The following PRR14L variants were observed in gnomAD, a reference collection of about 807,000 sequenced individuals.
PRR14L encodes proline rich 14 like.
PRR14L carries 80 observed loss-of-function variants against 155.0 expected under a neutral mutation model. The ratio of observed to expected loss-of-function variants is 0.52; its 90% CI spans 0.43 to 0.62. The LOEUF is 0.62. Among genes scored for constraint, PRR14L ranks in the 20% least tolerant of loss-of-function variants. PRR14L has a pLI of 0.00. For missense variants in PRR14L, 2,469 were observed against 2,548.0 expected, an observed-to-expected ratio of 0.97 and a Z score of 0.67; for synonymous variants, 883 against 916.0, an observed-to-expected ratio of 0.96 and a Z score of 0.65.
chr22:31,687,887 C>T lies in PRR14L; in HGVS notation c.6179+269G>A, dbSNP rs528427433. ...TCTACTAAAAATACAAAAAATTAGC[C>T]GGGTGTGGTGGCGGGCGCCTGTAGT... On this transcript the variant is annotated intron_variant, in intron 8 of 8. Coordinates refer to ENST00000327423, the MANE Select transcript of PRR14L (RefSeq NM_173566.3). Among the ~76,000 whole-genome samples, 699 of 151,486 alleles carry T rather than the reference C, an allele frequency of 4.6e-3. 4 individuals are homozygous for T. Among genetic ancestry groups the T allele is most frequent in the Non-Finnish European group, 6.5e-3 (441 of 67,890 alleles).
In PRR14L at chr22:31,731,447, A is replaced by G. The variant is rs1601513672; in HGVS notation, c.475-5837T>C. Among the ~76,000 whole-genome samples, 7 of 151,696 alleles carry G rather than the reference A, an allele frequency of 4.6e-5. No individual in the cohort carries two copies. In the South Asian group the frequency reaches 1.0e-3, roughly 23 times the overall value. ...GCCAGGCCTGGTGGTATGAGCCTGT[A>G]GTCCCAGATACTTGGAAGGCTGAGG... On this transcript the variant is annotated intron_variant, in intron 2 of 8. Coordinates refer to ENST00000327423, the MANE Select transcript of PRR14L (RefSeq NM_173566.3).
At chr22:31,749,106 C>G (rs1417565780) in intron 1 of PRR14L, among the ~76,000 whole-genome samples, 1 of 152,142 alleles carries the variant, frequency 6.6e-6, no homozygotes, top group Non-Finnish European at 1.5e-5. Context: ...TACTATATAA[C>G]TAGTATTTAC....
At chr22:31,703,402 T>C (rs962610486) in intron 6 of PRR14L, 148 bp downstream of exon 6, 4 of 645,404 alleles carry the variant, frequency 6.2e-6, no homozygotes, top group Non-Finnish European at 1.0e-5. Context: ...GAAAAACTCC[T>C]GGCTTAGTAC....
chr22:31,713,102 T>G lies in PRR14L; in HGVS notation c.4737A>C (p.Glu1579Asp). The G allele has an allele frequency of 6.4e-7, 1 of 1,552,278 alleles. No homozygotes were observed. The highest frequency in any genetic ancestry group is 1.2e-5 in the South Asian group (1 of 84,046). The change falls in exon 4 of 9, where the codon GAA becomes GAC. Residue 1579 changes from glutamate to aspartate, a missense_variant. This residue lies in a region of PRR14L where 2,363 missense variants were observed against 2,371.6 expected (regional missense o/e 1.00). Coordinates refer to ENST00000327423, the MANE Select transcript of PRR14L (RefSeq NM_173566.3). Reference sequence around the variant, plus strand: ...TAACCAAGCTCTTGGTAGGTGCTGTTTCAGGTTCTAATCGTGTAGGTGCAG... The same window carrying G: ...TAACCAAGCTCTTGGTAGGTGCTGTGTCAGGTTCTAATCGTGTAGGTGCAG... ...TLSAPTRLEPETAPTKSLVSH... is the reference protein window; with the variant it reads ...TLSAPTRLEPDTAPTKSLVSH...
chr22:31,738,372 G>C lies in PRR14L; in HGVS notation c.474+15C>G. 1.3e-6 allele frequency: 2 copies of C among 1,543,592 alleles called. No homozygotes were observed. The highest frequency in any genetic ancestry group is 1.8e-6 in the Non-Finnish European group (2 of 1,140,086). On this transcript the variant is annotated intron_variant, in intron 2 of 8. Transcript: ENST00000327423. ...TTCACACTCAACTCTTCGGAATGGA[G>C]ATTTCATTTCTTACCTGACTCGGGC...
Position 31,693,266 on chromosome 22 carries a change from A to G in PRR14L, c.6108-5039T>C, listed in dbSNP as rs1287038550. On this transcript the variant is annotated intron_variant, in intron 7 of 8. Coordinates refer to ENST00000327423, the MANE Select transcript of PRR14L (RefSeq NM_173566.3). ...ACCTAGTCATCCCTTCCTTCCCCTCAACACTTGGTGACTTCTGTCTCCATG... is the reference window on the plus strand; with the variant it reads ...ACCTAGTCATCCCTTCCTTCCCCTCGACACTTGGTGACTTCTGTCTCCATG... Among the ~76,000 whole-genome samples, 5 of 152,204 alleles carry G rather than the reference A, an allele frequency of 3.3e-5. No individual in the cohort carries two copies. The East Asian group carries it at 9.7e-4, about 29-fold the overall frequency.
At chr22:31,732,129 A>T (rs941966931) in intron 2 of PRR14L, among the ~76,000 whole-genome samples, 1 of 152,188 alleles carries the variant, frequency 6.6e-6, no homozygotes, top group Non-Finnish European at 1.5e-5. Flanking sequence ...GTACTTGTGT[A>T]TAGGTTTTAT....
At chr22:31,733,043 C>T (rs1056353588) in intron 2 of PRR14L, among the ~76,000 whole-genome samples, 1 of 148,186 alleles carries the variant, frequency 6.7e-6, no homozygotes, top group African/African-American at 2.5e-5. Flanking sequence ...GCTGGAGTGA[C>T]AATGGTGCAA....
chr22:31,745,860 A>T (rs966648871), intron 1 of PRR14L, among the ~76,000 whole-genome samples: 1 of 141,038 alleles, frequency 7.1e-6, no homozygotes, highest in Admixed American at 7.1e-5. Flanking sequence ...AAAAAAAAAA[A>T]AATATATATA....
rs9619227 is a variant in PRR14L, at chr22:31,714,952, C to T, written c.2887G>A (p.Asp963Asn). 4,203 of 1,551,992 alleles carry T rather than the reference C, an allele frequency of 2.7e-3. 98 individuals are homozygous for T. The African/African-American group carries it at 0.045, about 17-fold the overall frequency. ...TCAAGGACTTCATCTGCCTTCTGAT[C>T]GAGTGTTTCAACTGATTTTACATTT... The part of the protein sequence containing the change: ...FKNVKSVETL[D>N]QKADEVLDCQ... The change falls in exon 4 of 9, where the codon GAT becomes AAT. Residue 963 changes from aspartate to asparagine, a missense_variant. Transcript: ENST00000327423.
chr22:31,717,666 C>T (rs528438921), intron 3 of PRR14L, among the ~76,000 whole-genome samples: 44 of 152,188 alleles, frequency 2.9e-4, no homozygotes, highest in Non-Finnish European at 5.6e-4. Context: ...GCTTATTTTA[C>T]TAGATGACCA....
chr22:31,688,897 T>TACACACACACACAC (rs1250705421), intron 7 of PRR14L, among the ~76,000 whole-genome samples: 2 of 133,068 alleles, frequency 1.5e-5, no homozygotes, highest in African/African-American at 6.3e-5. Context: ...AAAAAATATA[T>TACACACACACACAC]ACATACACAC....
intron 4 of PRR14L, among the ~76,000 whole-genome samples, chr22:31,708,265 A>G (rs1317026863): frequency 6.6e-6 from 1 of 151,992 alleles, no homozygotes; most frequent in Non-Finnish European, 1.5e-5. Context: ...ACACTCTTCT[A>G]TTCATTCAGT....
intron 2 of PRR14L, among the ~76,000 whole-genome samples, chr22:31,727,627 C>T (rs145368841): frequency 1.8e-4 from 28 of 152,234 alleles, no homozygotes; most frequent in African/African-American, 6.7e-4. Flanking sequence ...AGCAAGTTAT[C>T]CCTCACAGGA....
chr22:31,746,297 A>G (rs765273441), intron 1 of PRR14L, among the ~76,000 whole-genome samples: 2 of 152,224 alleles, frequency 1.3e-5, no homozygotes, highest in Non-Finnish European at 2.9e-5. Flanking sequence ...CTAAACACAC[A>G]GCAATAAAAA....
intron 7 of PRR14L, among the ~76,000 whole-genome samples, chr22:31,697,684 G>A (rs2074541975): frequency 6.6e-6 from 1 of 151,984 alleles, no homozygotes; most frequent in African/African-American, 2.4e-5. Context: ...TGGGGAACAT[G>A]GCAAAATCCC....
At chr22:31,710,408 T>C (rs975602309) in intron 4 of PRR14L, among the ~76,000 whole-genome samples, 1 of 152,178 alleles carries the variant, frequency 6.6e-6, no homozygotes, top group African/African-American at 2.4e-5. Flanking sequence ...ACTTAAATAA[T>C]TACAAAGAGG....
Position 31,715,044 on chromosome 22 carries a change from G to A in PRR14L, c.2795C>T (p.Thr932Ile). Reference sequence around the variant, plus strand: ...TTTTTCAGGACCTGGAATGTTTACAGTCTGGTTTAGTTCTTGTATAGCATG... The same window carrying A: ...TTTTTCAGGACCTGGAATGTTTACAATCTGGTTTAGTTCTTGTATAGCATG... ...SDHAIQELNQ[T>I]VNIPGPEKVL... The change falls in exon 4 of 9, where the codon ACT becomes ATT. Residue 932 changes from threonine (T) to isoleucine (I), a missense_variant. Coordinates refer to ENST00000327423, the MANE Select transcript of PRR14L (RefSeq NM_173566.3). The A allele has an allele frequency of 6.4e-7, 1 of 1,551,656 alleles. No homozygotes were observed. Among genetic ancestry groups the A allele is most frequent in the Non-Finnish European group, 8.7e-7 (1 of 1,146,792 alleles).
chr22:31,722,263 C>G (rs1292111626), intron 3 of PRR14L, among the ~76,000 whole-genome samples: 2 of 151,566 alleles, frequency 1.3e-5, no homozygotes, highest in Non-Finnish European at 2.9e-5. Flanking sequence ...AACTCCGTCT[C>G]TACTAAAAAT....
Sources: allele counts gnomAD v4.1 joint callset (sites outside exome capture counted in the v4.1 genomes callset), GRCh38; gene constraint gnomAD v4.1.1; regional missense constraint gnomAD v4.1.1; transcripts MANE v1.5; gene names NCBI Gene and HGNC (gene_info 2026-07-23, HGNC 2026-07-21).